The following SYNJ1 variants were observed in gnomAD, a reference collection of about 807,000 sequenced individuals.
SYNJ1 encodes synaptojanin 1, also known as polyphosphatidylinositol phosphatase SYNJ1.
A neutral mutation model predicts 168.2 loss-of-function variants in SYNJ1; 78 were observed. The observed-to-expected ratio is 0.46, with a 90% CI of 0.39 to 0.56. SYNJ1 has a LOEUF of 0.56. Among genes scored for constraint, SYNJ1 ranks in the 20% least tolerant of loss-of-function variants. The pLI is 0.00. For synonymous variants in SYNJ1, 539 were observed against 548.6 expected, an observed-to-expected ratio of 0.98 and a Z score of 0.24; for missense variants, 1,303 against 1,597.6, an observed-to-expected ratio of 0.82 and a Z score of 3.14.
intron 1 of SYNJ1, among the ~76,000 whole-genome samples, chr21:32,727,499 G>A (rs1291855917): frequency 6.6e-6 from 1 of 152,082 alleles, no homozygotes; most frequent in African/African-American, 2.4e-5. Context: ...CCGGCTGGGG[G>A]GACGGCAGGC....
In SYNJ1 at chr21:32,641,919, C is replaced by T; in HGVS notation, c.3565G>A (p.Ala1189Thr). 1 of 1,613,486 alleles carries T rather than the reference C, an allele frequency of 6.2e-7. No homozygotes were observed. The highest frequency in any genetic ancestry group is 1.1e-5 in the South Asian group (1 of 91,012). Residue 1189 changes from alanine to threonine, a missense_variant, in exon 29 of 33, where the codon GCT (alanine) becomes ACT (threonine). By Grantham distance (58) the Ala-to-Thr change is moderately conservative. This residue lies in a region of SYNJ1 where 383 missense variants were observed against 388.8 expected (regional missense o/e 0.99). Transcript: ENST00000674351. ...PQAGLAGPGPAGYSTARPTIP... is the reference protein window; with the variant it reads ...PQAGLAGPGPTGYSTARPTIP... ...ACCGGTCTGGCTGTACTGTATCCAG[C>T]AGGTCCTGGGCCTGCAAGTCCTGCT...
At chr21:32,674,521 T>C (rs962310126) in intron 13 of SYNJ1, among the ~76,000 whole-genome samples, 2 of 152,294 alleles carry the variant, frequency 1.3e-5, no homozygotes, top group East Asian at 1.9e-4. Context: ...TTTATGGGAA[T>C]ACTCCTAGTA....
At chr21:32,649,946 C>T (rs1167351226) in intron 23 of SYNJ1, among the ~76,000 whole-genome samples, 3 of 152,070 alleles carry the variant, frequency 2.0e-5, no homozygotes, top group Admixed American at 6.5e-5. Context: ...GACAGGGTTT[C>T]GCCATGTTGG....
At chr21:32,693,226 C>T (rs1412418346) in intron 6 of SYNJ1, among the ~76,000 whole-genome samples, 1 of 152,098 alleles carries the variant, frequency 6.6e-6, no homozygotes, top group Non-Finnish European at 1.5e-5. Context: ...TCCAAACACC[C>T]ACTGTTGATC....
chr21:32,673,977 T>C (rs1212912726), intron 13 of SYNJ1, among the ~76,000 whole-genome samples: 1 of 152,202 alleles, frequency 6.6e-6, no homozygotes, highest in Non-Finnish European at 1.5e-5. Flanking sequence ...TTTAAGAACA[T>C]TTACATTTAA....
chr21:32,728,021 C>A, upstream of SYNJ1: 1 of 1,535,954 alleles, frequency 6.5e-7, no homozygotes, highest in Non-Finnish European at 8.7e-7. Flanking sequence ...TCCGCTCCAG[C>A]AGGCCCATCT....
At chr21:32,654,979 A>C (rs2145839825) in intron 21 of SYNJ1, among the ~76,000 whole-genome samples, 1 of 152,254 alleles carries the variant, frequency 6.6e-6, no homozygotes, top group African/African-American at 2.4e-5. Context: ...TTCTCTTCCA[A>C]CTTAGTCATC....
At chr21:32,671,555 T>A (rs1361905173) in intron 14 of SYNJ1, among the ~76,000 whole-genome samples, 1 of 152,182 alleles carries the variant, frequency 6.6e-6, no homozygotes, top group African/African-American at 2.4e-5. Flanking sequence ...AAATCCTGGC[T>A]TTGCCACTAC....
Position 32,681,567 on chromosome 21 carries a change from T to A in SYNJ1, c.1282A>T (p.Met428Leu). 1.9e-6 allele frequency: 3 copies of A among 1,613,908 alleles called. No individual in the cohort carries two copies. Among genetic ancestry groups the A allele is most frequent in the South Asian group, 1.1e-5 (1 of 91,074 alleles). Residue 428 changes from methionine to leucine, a missense_variant, in exon 11 of 33, where the codon ATG (methionine) becomes TTG (leucine). Physicochemically the swap from Met to Leu is conservative, Grantham distance 15 (BLOSUM62 2). This residue lies in a region of SYNJ1 where 920 missense variants were observed against 1,208.8 expected (regional missense o/e 0.76). Coordinates refer to ENST00000674351, the MANE Select transcript of SYNJ1 (RefSeq NM_203446.3). ...ATTGAATCACCATTCACGGACCACA[T>A]TGACCGAAAAACTTCTTGAAAGCGA... ...VTRFQEVFRS[M>L]WSVNGDSISK...
intron 6 of SYNJ1, among the ~76,000 whole-genome samples, chr21:32,688,797 T>A (rs1318076549): frequency 6.6e-6 from 1 of 152,158 alleles, no homozygotes; most frequent in Non-Finnish European, 1.5e-5. Flanking sequence ...CCAAAAGAGA[T>A]TCAGATGAGA....
At chr21:32,724,444 T>C (rs993509631) in intron 2 of SYNJ1, among the ~76,000 whole-genome samples, 1 of 152,118 alleles carries the variant, frequency 6.6e-6, no homozygotes, top group Non-Finnish European at 1.5e-5. Context: ...GCCGAGATCA[T>C]GCCACTGCAC....
At chr21:32,665,267 A>T (rs1276882716) in intron 17 of SYNJ1, among the ~76,000 whole-genome samples, 196 bp from the exon 18 acceptor site, 1 of 152,212 alleles carries the variant, frequency 6.6e-6, no homozygotes, top group Non-Finnish European at 1.5e-5. Flanking sequence ...CAAGCCAGGA[A>T]CTATGACAGG....
chr21:32,630,399 G>A lies in SYNJ1; in HGVS notation c.*1406C>T, dbSNP rs986026104. The A allele has an allele frequency of 2.0e-5, 3 of 152,248 alleles. No homozygotes were observed. The highest frequency in any genetic ancestry group is 2.0e-4 in the Admixed American group (3 of 15,268). 9.4% of individuals were successfully genotyped at this position (152,248 alleles called of 1,614,324 possible). On this transcript the variant is annotated 3_prime_UTR_variant, in exon 33 of 33. Transcript: ENST00000674351. Reference sequence around the variant, plus strand: ...GCCATCTTTTTGGTAATGTGATATTGAAAAAGGGACTTTGTTGGAACTTTT... The same window carrying A: ...GCCATCTTTTTGGTAATGTGATATTAAAAAAGGGACTTTGTTGGAACTTTT...
intron 2 of SYNJ1, among the ~76,000 whole-genome samples, chr21:32,711,306 T>G (rs1215665061): frequency 6.6e-6 from 1 of 152,030 alleles, no homozygotes; most frequent in Non-Finnish European, 1.5e-5. Context: ...TTTGACATCC[T>G]CCACCTTTTT....
At chr21:32,725,867 G>T (rs1027673921) in intron 2 of SYNJ1, among the ~76,000 whole-genome samples, 11 of 151,890 alleles carry the variant, frequency 7.2e-5, no homozygotes, top group African/African-American at 2.7e-4. Flanking sequence ...TTGAAACAGG[G>T]TCTCACTGTG....
chr21:32,644,350 T>C (rs2039974236), intron 26 of SYNJ1, among the ~76,000 whole-genome samples: 1 of 152,226 alleles, frequency 6.6e-6, no homozygotes, highest in Non-Finnish European at 1.5e-5. Context: ...TGCTCAGCCA[T>C]GTCACTAGGC....
intron 2 of SYNJ1, among the ~76,000 whole-genome samples, chr21:32,710,545 A>G (rs1153296): frequency 1 from 151,789 of 151,790 alleles, 75,894 homozygotes; most frequent in Non-Finnish European, 1. Flanking sequence ...TTTTTTCCCA[A>G]ACAGGATCTC....
chr21:32,695,744 CCT>C (rs1005626264), intron 4 of SYNJ1, among the ~76,000 whole-genome samples: 18 of 151,330 alleles, frequency 1.2e-4, no homozygotes, highest in African/African-American at 4.4e-4. Context: ...CTCACTGCAA[CCT>C]CTGTCTCCCA....
intron 29 of SYNJ1, 68 bp downstream of exon 29, chr21:32,641,828 C>A (rs1377774465): frequency 2.4e-6 from 3 of 1,225,578 alleles, no homozygotes; most frequent in Non-Finnish European, 3.4e-6. Context: ...TCCAAGGTAA[C>A]AAAACTGACT....
Sources: gnomAD v4.1 joint callset for allele counts (sites outside exome capture counted in the v4.1 genomes callset) on GRCh38, gnomAD v4.1.1 for gene constraint, gnomAD v4.1.1 regional missense constraint, MANE v1.5 for transcripts, NCBI Gene and HGNC (gene_info 2026-07-23, HGNC 2026-07-21) for gene names.